Variants in TTC23L observed in about 807,000 individuals in gnomAD.
The protein encoded by TTC23L is tetratricopeptide repeat protein 23-like.
In TTC23L, 42 loss-of-function variants were observed where a neutral mutation model predicts 48.1. That is an observed-to-expected ratio of 0.87 (90% CI 0.68 to 1.13). The LOEUF (loss-of-function observed/expected upper bound fraction) is 1.13, where lower values mean the gene tolerates loss of function less well. Among genes scored for constraint, TTC23L ranks in the 50% most tolerant of loss-of-function variants. The pLI is 0.00. For missense variants in TTC23L, 391 were observed against 421.0 expected (o/e 0.93, Z 0.62); for synonymous variants, 159 against 157.2 (o/e 1.01, Z -0.09).
exon 7 of TTC23L, chr5:34,866,997 C>G (rs925707807): frequency 6.2e-7 from 1 of 1,611,908 alleles, no homozygotes; most frequent in Middle Eastern, 1.6e-4. Flanking sequence ...ATCTGATCAG[C>G]CTGTACGAGG....
intron 9 of TTC23L, among the ~76,000 whole-genome samples, chr5:34,893,998 G>C (rs553887059): frequency 6.6e-6 from 1 of 152,112 alleles, no homozygotes; most frequent in Non-Finnish European, 1.5e-5. Flanking sequence ...GAAAAATACA[G>C]GCAAGAAAAC....
chr5:34,915,089 C>T, the TTC23L span: 2 of 588,418 alleles, frequency 3.4e-6, no homozygotes, highest in African/African-American at 3.7e-5. Flanking sequence ...ACCTATGTCA[C>T]TTAACTATCT....
intron 8 of TTC23L, among the ~76,000 whole-genome samples, chr5:34,874,368 T>C (rs1761678751): frequency 6.6e-6 from 1 of 152,132 alleles, no homozygotes; most frequent in Non-Finnish European, 1.5e-5. Flanking sequence ...TAACAGTTTG[T>C]TCAAATTAGG....
intron 3 of TTC23L, among the ~76,000 whole-genome samples, chr5:34,845,875 C>T (rs1759076068): frequency 6.6e-6 from 1 of 152,148 alleles, no homozygotes; most frequent in Non-Finnish European, 1.5e-5. Flanking sequence ...GTCTGTTCCT[C>T]CTTGGGGCAT....
chr5:34,866,756 G>T, intron 6 of TTC23L, 136 bp from the exon 7 acceptor site: 1 of 727,270 alleles, frequency 1.4e-6, no homozygotes, highest in Non-Finnish European at 2.2e-6. Flanking sequence ...TTACAGCAAG[G>T]CTAGATTTTT....
the TTC23L span, chr5:34,906,661 G>T: frequency 1.2e-3 from 180 of 152,108 alleles, no homozygotes; most frequent in African/African-American, 4.2e-3. Context: ...TAAAAAAACT[G>T]AGATCAAAAT....
intron 4 of TTC23L, among the ~76,000 whole-genome samples, chr5:34,862,494 G>C (rs755030923): frequency 6.6e-6 from 1 of 152,170 alleles, no homozygotes; most frequent in Non-Finnish European, 1.5e-5. Flanking sequence ...GTTGGAGGAT[G>C]GAGAAGCGTT....
At chr5:34,895,954 G>A (rs147030866) in intron 9 of TTC23L, among the ~76,000 whole-genome samples, 180 of 152,232 alleles carry the variant, frequency 1.2e-3, no homozygotes, top group African/African-American at 4.2e-3. Flanking sequence ...AATTAAGGAG[G>A]AAATATCTGG....
intron 2 of TTC23L, among the ~76,000 whole-genome samples, chr5:34,843,769 A>T (rs148811688): frequency 1.1e-4 from 16 of 152,104 alleles, no homozygotes; most frequent in African/African-American, 3.9e-4. Context: ...TCTCTCCTCA[A>T]TATTTTTCAA....
At chr5:34,898,324 A>G (rs1386545275) in intron 10 of TTC23L, among the ~76,000 whole-genome samples, 1 of 152,222 alleles carries the variant, frequency 6.6e-6, no homozygotes, top group East Asian at 1.9e-4. Context: ...CTCGAAAAAG[A>G]TATAGACTTA....
At chr5:34,862,900 C>T in exon 5 of TTC23L, 1 of 1,613,858 alleles carries the variant, frequency 6.2e-7, no homozygotes, top group Non-Finnish European at 8.5e-7. Context: ...TCCCCCAGGC[C>T]TCCCAGTTCA....
At chr5:34,850,432 A>C (rs369495993) in intron 4 of TTC23L, 124 bp downstream of exon 4, 2 of 1,160,776 alleles carry the variant, frequency 1.7e-6, no homozygotes, top group East Asian at 2.4e-5. Flanking sequence ...ACACATTATC[A>C]GGAAGGAAAG....
the TTC23L span, chr5:34,915,934 C>T: frequency 6.7e-7 from 1 of 1,498,312 alleles, no homozygotes. Context: ...CCTGCGGCGG[C>T]GGCTCTGTGC....
At chr5:34,915,983 T>C in the TTC23L span, 1 of 1,415,794 alleles carries the variant, frequency 7.1e-7, no homozygotes, top group Non-Finnish European at 9.3e-7. Context: ...CAGCCTTGCT[T>C]AATTTCAGAG....
chr5:34,902,403 C>T, downstream of TTC23L: 1 of 393,300 alleles, frequency 2.5e-6, no homozygotes, highest in Non-Finnish European at 5.2e-6. Flanking sequence ...GTGACAAGAG[C>T]AAAACTCCCT....
chr5:34,895,060 AT>A (rs1763122261), intron 9 of TTC23L, among the ~76,000 whole-genome samples: 1 of 152,230 alleles, frequency 6.6e-6, no homozygotes, highest in African/African-American at 2.4e-5. Context: ...GACCTTTGAG[AT>A]TACTGTTTGT....
At chr5:34,843,458 A>G (rs1053012106) in intron 2 of TTC23L, among the ~76,000 whole-genome samples, 5 of 152,184 alleles carry the variant, frequency 3.3e-5, no homozygotes, top group African/African-American at 7.2e-5. Flanking sequence ...CAAGACCTCA[A>G]TGTTTCTCAT....
chr5:34,862,968 G>A (rs755723416), exon 5 of TTC23L: 9 of 1,613,820 alleles, frequency 5.6e-6, no homozygotes, highest in Admixed American at 1.7e-5. Context: ...AGGCAAATAC[G>A]ACCTCAAATA....
intron 3 of TTC23L, 125 bp downstream of exon 3, chr5:34,845,798 T>A: frequency 2.9e-6 from 3 of 1,042,868 alleles, no homozygotes; most frequent in Non-Finnish European, 4.0e-6. Flanking sequence ...TCTTTGTAAG[T>A]AGCAGAAAAC....
Sources: allele counts gnomAD v4.1 joint callset (sites outside exome capture counted in the v4.1 genomes callset), GRCh38; gene constraint gnomAD v4.1.1; transcripts MANE v1.5; gene names NCBI Gene and HGNC (gene_info 2026-07-23, HGNC 2026-07-21).